The following FAM107B variants were observed in gnomAD, a reference collection of about 807,000 sequenced individuals.
FAM107B encodes family with sequence similarity 107 member B, also known as protein FAM107B.
FAM107B carries 21 observed loss-of-function variants against 31.5 expected under a neutral mutation model. That is an observed-to-expected ratio of 0.67 (90% CI 0.47 to 0.96). The LOEUF is 0.96. Ranked by LOEUF, FAM107B falls within the 40% of genes least tolerant of loss-of-function variation. The pLI is 0.00. For missense variants in FAM107B, 452 were observed against 377.1 expected, an observed-to-expected ratio of 1.20 and a Z score of -1.64; for synonymous variants, 157 against 141.5, an observed-to-expected ratio of 1.11 and a Z score of -0.78.
chr10:14,540,613 G>A (rs1271125882), intron 2 of FAM107B, among the ~76,000 whole-genome samples: 6 of 152,156 alleles, frequency 3.9e-5, no homozygotes, highest in African/African-American at 1.4e-4. Context: ...CAGCAGTCCA[G>A]GCAGAGGGCC....
intron 1 of FAM107B, among the ~76,000 whole-genome samples, chr10:14,720,834 T>A (rs1243285125): frequency 2.0e-5 from 3 of 151,372 alleles, no homozygotes; most frequent in African/African-American, 7.3e-5. Flanking sequence ...AAGGAACATA[T>A]TTTTTTTTAA....
intron 1 of FAM107B, among the ~76,000 whole-genome samples, chr10:14,763,459 C>T (rs1365443009): frequency 6.6e-6 from 1 of 152,162 alleles, no homozygotes; most frequent in Non-Finnish European, 1.5e-5. Flanking sequence ...CCACGTGCCT[C>T]TAATTGTTAG....
chr10:14,549,380 T>A (rs946688251), intron 2 of FAM107B, among the ~76,000 whole-genome samples: 1 of 152,218 alleles, frequency 6.6e-6, no homozygotes, highest in Non-Finnish European at 1.5e-5. Context: ...ACTCGCAGCA[T>A]CTATAATAAA....
intron 2 of FAM107B, among the ~76,000 whole-genome samples, chr10:14,637,301 C>T (rs1853524974): frequency 6.6e-6 from 1 of 152,112 alleles, no homozygotes; most frequent in African/African-American, 2.4e-5. Context: ...ATAATATCCT[C>T]CTCTTGAGTG....
chr10:14,537,070 G>A (rs1158524463), intron 2 of FAM107B, among the ~76,000 whole-genome samples: 1 of 152,154 alleles, frequency 6.6e-6, no homozygotes, highest in Non-Finnish European at 1.5e-5. Context: ...GCAACCAGAA[G>A]CTGGCCCGAG....
intron 2 of FAM107B, among the ~76,000 whole-genome samples, chr10:14,636,668 T>C (rs72768974): frequency 2.0e-5 from 3 of 150,268 alleles, no homozygotes; most frequent in Non-Finnish European, 3.0e-5. Context: ...AAGGAAGTAC[T>C]GGGGTTAGGG....
At chr10:14,553,953 G>A (rs1189338166) in intron 2 of FAM107B, among the ~76,000 whole-genome samples, 1 of 152,104 alleles carries the variant, frequency 6.6e-6, no homozygotes, top group Non-Finnish European at 1.5e-5. Flanking sequence ...TTTTAAAGCG[G>A]TTCAGGGGGC....
chr10:14,563,302 T>C (rs894457902), intron 2 of FAM107B, among the ~76,000 whole-genome samples: 59 of 152,300 alleles, frequency 3.9e-4, no homozygotes, highest in African/African-American at 1.3e-3. Context: ...ATTTGGAAAA[T>C]ACAGAAAAGT....
At chr10:14,544,406 T>C (rs1848516144) in intron 2 of FAM107B, among the ~76,000 whole-genome samples, 1 of 152,204 alleles carries the variant, frequency 6.6e-6, no homozygotes, top group African/African-American at 2.4e-5. Flanking sequence ...TTCCTAGTTT[T>C]TCCTGACATA....
chr10:14,593,464 G>A (rs1447771189), intron 2 of FAM107B, among the ~76,000 whole-genome samples: 1 of 152,086 alleles, frequency 6.6e-6, no homozygotes, highest in Non-Finnish European at 1.5e-5. Flanking sequence ...GATCACTTGA[G>A]GCCAGGAATT....
intron 2 of FAM107B, among the ~76,000 whole-genome samples, chr10:14,659,027 A>C (rs1854149456): frequency 6.6e-6 from 1 of 152,240 alleles, no homozygotes; most frequent in Non-Finnish European, 1.5e-5. Flanking sequence ...AAGACCCAAC[A>C]GAAGGAGCTG....
chr10:14,702,093 A>C lies in FAM107B; in HGVS notation c.412-34402T>G, dbSNP rs186540576. Reference sequence around the variant, plus strand: ...GAATATACTGATAAGTAAATGCAAAAATGACAACAATTAATTTGTTCCACA... The same window carrying C: ...GAATATACTGATAAGTAAATGCAAACATGACAACAATTAATTTGTTCCACA... On this transcript the variant is annotated intron_variant, in intron 1 of 4. Coordinates refer to ENST00000181796, the MANE Select transcript of FAM107B (RefSeq NM_031453.4). Among the ~76,000 whole-genome samples the C allele has an allele frequency of 5.9e-4, 90 of 152,386 alleles. No individual in the cohort carries two copies. The South Asian group carries it at 0.014, about 23-fold the overall frequency.
At chr10:14,662,794 C>T (rs1385520918) in intron 2 of FAM107B, among the ~76,000 whole-genome samples, 1 of 152,060 alleles carries the variant, frequency 6.6e-6, no homozygotes. Flanking sequence ...GGAGGGAACC[C>T]CACTGTGATG....
Position 14,739,674 on chromosome 10 carries a change from C to A in FAM107B, c.411+34579G>T, listed in dbSNP as rs1856391966. On this transcript the variant is annotated intron_variant, in intron 1 of 4. Coordinates refer to ENST00000181796, the MANE Select transcript of FAM107B (RefSeq NM_031453.4). ...AGGGAAAATATTTCATTTCCCAGAC[C>A]ACAAGAATTGTTTTAGGGATAGATA... is the stretch of plus-strand genomic sequence containing the variant. Among the ~76,000 whole-genome samples, 7 of 152,118 alleles carry A rather than the reference C, an allele frequency of 4.6e-5. No homozygotes were observed. In the South Asian group the frequency reaches 1.2e-3, roughly 27 times the overall value.
At chr10:14,636,343 G>A (rs1853500000) in intron 2 of FAM107B, among the ~76,000 whole-genome samples, 1 of 150,676 alleles carries the variant, frequency 6.6e-6, no homozygotes, top group Admixed American at 6.6e-5. Context: ...GAGAGAGAGA[G>A]AAATGTCTAC....
At chr10:14,702,273 T>C (rs1855416551) in intron 1 of FAM107B, among the ~76,000 whole-genome samples, 1 of 152,262 alleles carries the variant, frequency 6.6e-6, no homozygotes, top group Admixed American at 6.5e-5. Context: ...CAAATGAAGT[T>C]AAATTAACCT....
Position 14,568,819 on chromosome 10 carries a change from G to A in FAM107B, c.470-38304C>T, listed in dbSNP as rs1483253735. Among the ~76,000 whole-genome samples, 3 of 150,582 alleles carry A rather than the reference G, an allele frequency of 2.0e-5. No homozygotes were observed. The East Asian group carries it at 6.0e-4, about 30-fold the overall frequency. On this transcript the variant is annotated intron_variant, in intron 2 of 4. Transcript: ENST00000181796. The stretch of plus-strand genomic sequence containing the variant: ...GGGAGAGAGGGTGGGGTGGAAGGGG[G>A]AGGCAAAGAGCAGTCCCAGGAACCT...
intron 1 of FAM107B, among the ~76,000 whole-genome samples, chr10:14,744,524 A>G (rs1051758216): frequency 4.6e-5 from 7 of 152,208 alleles, no homozygotes; most frequent in African/African-American, 1.7e-4. Flanking sequence ...TGTCCCATCA[A>G]TACCTAGTTT....
intron 2 of FAM107B, among the ~76,000 whole-genome samples, chr10:14,599,416 A>G (rs1237659128): frequency 2.6e-5 from 4 of 152,184 alleles, no homozygotes; most frequent in African/African-American, 9.7e-5. Flanking sequence ...TGGAGGAAAC[A>G]TTATTGTCTC....
Sources: gnomAD v4.1 joint callset for allele counts (sites outside exome capture counted in the v4.1 genomes callset) on GRCh38, gnomAD v4.1.1 for gene constraint, MANE v1.5 for transcripts, NCBI Gene and HGNC (gene_info 2026-07-23, HGNC 2026-07-21) for gene names.